ZPLD1: variants seen among roughly 807,000 people sequenced by gnomAD.
ZPLD1 encodes the protein zona pellucida like domain containing 1, also known as zona pellucida-like domain-containing protein 1.
ZPLD1 carries 34 observed loss-of-function variants against 47.2 expected under a neutral mutation model. The ratio of observed to expected loss-of-function variants is 0.72; its 90% CI spans 0.55 to 0.96. The LOEUF (loss-of-function observed/expected upper bound fraction) is 0.96. ZPLD1 is among the 40% of genes least tolerant of loss of function. The pLI is 0.00. For missense variants in ZPLD1, 512 were observed against 505.8 expected (o/e 1.01, Z -0.12); for synonymous variants, 176 against 186.2 (o/e 0.95, Z 0.45).
chr3:102,471,545 C>G (rs1176898042), intron 10 of ZPLD1, among the ~76,000 whole-genome samples: 1 of 152,106 alleles, frequency 6.6e-6, no homozygotes, highest in Non-Finnish European at 1.5e-5. Flanking sequence ...TATGTGCATA[C>G]ATGTACCTAC....
chr3:102,464,125 A>C (rs1707553608), intron 7 of ZPLD1, 46 bp from the exon 8 acceptor site: 1 of 1,387,114 alleles, frequency 7.2e-7, no homozygotes, highest in Non-Finnish European at 1.0e-6. Context: ...ACTAATATCC[A>C]AAAGGAAATT....
At chr3:102,411,132 C>T (rs116643100) in intron 7 of ZPLD1, among the ~76,000 whole-genome samples, 121 of 151,592 alleles carry the variant, frequency 8.0e-4, no homozygotes, top group African/African-American at 2.5e-3. Context: ...TTAAATAACA[C>T]GAAGTGGTTT....
intron 7 of ZPLD1, among the ~76,000 whole-genome samples, chr3:102,398,389 C>T (rs1047754854): frequency 2.0e-5 from 3 of 152,040 alleles, no homozygotes; most frequent in Non-Finnish European, 4.4e-5. Flanking sequence ...CTCATTTCTA[C>T]CCCTGATTTG....
Position 102,464,266 on chromosome 3 carries a change from T to A in ZPLD1, c.761+15T>A. On this transcript the variant is annotated intron_variant, in intron 8 of 11. Coordinates refer to ENST00000466937, the MANE Select transcript of ZPLD1 (RefSeq NM_001329788.2). ...CTTTTCCTTAGGTAAGACTTAGCTG[T>A]CTAAGTATTATATTGATACCAATGA... is the stretch of plus-strand genomic sequence containing the variant. 1 of 1,568,614 alleles carries A rather than the reference T, an allele frequency of 6.4e-7. No homozygotes were observed. Among genetic ancestry groups the A allele is most frequent in the Non-Finnish European group, 8.8e-7 (1 of 1,138,992 alleles).
intron 1 of ZPLD1, 107 bp from the exon 2 acceptor site, chr3:102,436,753 T>G (rs1455963093): frequency 2.7e-6 from 1 of 364,968 alleles, no homozygotes; most frequent in Non-Finnish European, 3.8e-6. Context: ...AAAGTGTACA[T>G]TCAGTAAATG....
intron 7 of ZPLD1, among the ~76,000 whole-genome samples, chr3:102,407,392 AATATATAT>A (rs63183460): frequency 0.014 from 537 of 37,862 alleles, 10 homozygotes; most frequent in Non-Finnish European, 0.022. Context: ...TTGATTTTCA[AATATATAT>A]ATATATATAT....
Position 102,477,524 on chromosome 3 carries a change from G to C in ZPLD1, c.1154G>C (p.Ser385Thr), listed in dbSNP as rs760796507. 1 of 1,613,710 alleles carries C rather than the reference G, an allele frequency of 6.2e-7. No individual in the cohort carries two copies. The highest frequency in any genetic ancestry group is 1.3e-5 in the African/African-American group (1 of 74,886). ...ISGMVILGVTSFSLLLCSLAL... is the reference protein window; with the variant it reads ...ISGMVILGVTTFSLLLCSLAL... ...GGAATGGTCATTCTGGGAGTTACGA[G>C]CTTTTCTCTTCTTCTGTGCTCACTG... The change falls in exon 12 of 12, where the codon AGC (serine) becomes ACC (threonine). Residue 385 changes from serine to threonine, a missense_variant. Coordinates refer to ENST00000466937, the MANE Select transcript of ZPLD1 (RefSeq NM_001329788.2).
At chr3:102,433,950 T>C (rs573841068), upstream of ZPLD1, among the ~76,000 whole-genome samples, 55 of 152,224 alleles carry the variant, frequency 3.6e-4, no homozygotes, top group Non-Finnish European at 6.3e-4. Context: ...ATCTTAAGCA[T>C]ACATTATTAA....
At chr3:102,392,297 T>A (rs140068057) in intron 7 of ZPLD1, 186 of 152,288 alleles carry the variant, frequency 1.2e-3, no homozygotes, top group African/African-American at 4.0e-3. Flanking sequence ...GTTAATACAT[T>A]TTCTGTTGCT....
At chr3:102,395,392 A>G (rs184579173) in intron 7 of ZPLD1, among the ~76,000 whole-genome samples, 2 of 152,158 alleles carry the variant, frequency 1.3e-5, no homozygotes, top group Non-Finnish European at 2.9e-5. Flanking sequence ...ATGGGTCTTG[A>G]TAAGGAGAAT....
intron 4 of ZPLD1, 101 bp from the exon 5 acceptor site, chr3:102,456,092 G>C (rs62272486): frequency 1.1e-6 from 1 of 893,756 alleles, no homozygotes; most frequent in African/African-American, 1.7e-5. Flanking sequence ...AGTTGAACTA[G>C]ACTCTAGAAT....
chr3:102,438,680 C>T (rs557394695), intron 3 of ZPLD1, 87 bp downstream of exon 3: 87 of 941,760 alleles, frequency 9.2e-5, no homozygotes, highest in Middle Eastern at 2.3e-4. Context: ...ATATGGAGAA[C>T]GGGGGGCTAT....
intron 7 of ZPLD1, among the ~76,000 whole-genome samples, chr3:102,407,755 G>A (rs151014682): frequency 1.2e-3 from 189 of 151,720 alleles, no homozygotes; most frequent in African/African-American, 2.4e-3. Flanking sequence ...GAGAGACATC[G>A]TTTTTAATAC....
intron 4 of ZPLD1, among the ~76,000 whole-genome samples, chr3:102,455,850 G>A (rs778499937): frequency 7.9e-5 from 12 of 152,176 alleles, no homozygotes; most frequent in Non-Finnish European, 1.6e-4. Context: ...AAGCTAAAGG[G>A]AAAAGGATCA....
At chr3:102,388,221 G>A (rs1706455011) in intron 6 of ZPLD1, among the ~76,000 whole-genome samples, 1 of 151,892 alleles carries the variant, frequency 6.6e-6, no homozygotes, top group African/African-American at 2.4e-5. Context: ...TTTCCACTCT[G>A]CTCTGATCAT....
At chr3:102,409,873 A>C (rs1377943293) in intron 7 of ZPLD1, among the ~76,000 whole-genome samples, 1 of 151,928 alleles carries the variant, frequency 6.6e-6, no homozygotes, top group East Asian at 1.9e-4. Context: ...AAGTGTGGCT[A>C]TTTGGTAGTC....
At chr3:102,409,739 A>G (rs1351264975) in intron 7 of ZPLD1, among the ~76,000 whole-genome samples, 3 of 151,778 alleles carry the variant, frequency 2.0e-5, no homozygotes, top group Non-Finnish European at 2.9e-5. Context: ...AACAGTGATT[A>G]AAAGCTGACT....
At position 102,477,928 on chromosome 3, in the gene ZPLD1, G is replaced by C. The variant is rs1707783289; in HGVS notation, c.*310G>C. The C allele has an allele frequency of 5.1e-6, 1 of 194,796 alleles. No homozygotes were observed. The highest frequency in any genetic ancestry group is 2.3e-5 in the African/African-American group (1 of 43,084). The allele number at this position is 194,796 out of a possible 1,614,324, so 12.1% of individuals were successfully genotyped here. On this transcript the variant is annotated 3_prime_UTR_variant, in exon 12 of 12. Coordinates refer to ENST00000466937, the MANE Select transcript of ZPLD1 (RefSeq NM_001329788.2). ...TTATTTCAGTTTTCTTTTGATTGTTGGTTAAAAGATAAAAGGTGGGAGTAG... is the reference window on the plus strand; with the variant it reads ...TTATTTCAGTTTTCTTTTGATTGTTCGTTAAAAGATAAAAGGTGGGAGTAG...
At chr3:102,405,129 C>T (rs991048163) in intron 7 of ZPLD1, among the ~76,000 whole-genome samples, 8 of 151,864 alleles carry the variant, frequency 5.3e-5, no homozygotes, top group South Asian at 4.2e-4. Context: ...ATGAGAAAAG[C>T]GTTTGTTTTA....
Sources: allele counts gnomAD v4.1 joint callset (sites outside exome capture counted in the v4.1 genomes callset), GRCh38; gene constraint gnomAD v4.1.1; transcripts MANE v1.5; gene names NCBI Gene and HGNC (gene_info 2026-07-23, HGNC 2026-07-21).